The following EPHA4 variants were observed in gnomAD, a reference collection of about 807,000 sequenced individuals.
EPHA4 encodes EPH receptor A4, also known as ephrin type-A receptor 4.
A neutral mutation model predicts 108.3 loss-of-function variants in EPHA4; 19 were observed. The ratio of observed to expected loss-of-function variants is 0.18; its 90% CI spans 0.12 to 0.26. The LOEUF (loss-of-function observed/expected upper bound fraction) is 0.26. Among genes scored for constraint, EPHA4 ranks in the 10% least tolerant of loss-of-function variants. The pLI, the probability that EPHA4 is intolerant of heterozygous loss-of-function variation, is 1.00. For missense variants in EPHA4, 917 were observed against 1,254.0 expected (o/e 0.73, Z 4.06); for synonymous variants, 449 against 455.5 (o/e 0.99, Z 0.18).
chr2:221,559,120 TTC>T (rs1694383272), intron 3 of EPHA4, among the ~76,000 whole-genome samples: 2 of 152,238 alleles, frequency 1.3e-5, no homozygotes, highest in African/African-American at 4.8e-5. Flanking sequence ...TTCTATCTTG[TTC>T]TTTCTTTAAA....
In EPHA4 at chr2:221,456,716, G is replaced by T. The variant is rs1690964787; in HGVS notation, c.1500C>A (p.Ile500=). 1 of 1,613,820 alleles carries T rather than the reference G, an allele frequency of 6.2e-7. No individual in the cohort carries two copies. ...AGGAAGTGAGAGGGTTCAGGCCTTT[G>T]ATATCTGTGTTCCTGGCAGCTGTCC... ...IVRTAARNTD[I]KGLNPLTSYV... Residue 500 remains isoleucine, a synonymous_variant, in exon 7 of 18, where the codon ATC becomes ATA. Transcript: ENST00000281821.
intron 3 of EPHA4, among the ~76,000 whole-genome samples, chr2:221,549,853 T>C (rs1294602855): frequency 3.3e-5 from 5 of 152,108 alleles, no homozygotes; most frequent in Non-Finnish European, 1.5e-5. Context: ...TAGCCAGTCA[T>C]GGTGGCATGT....
chr2:221,444,633 A>T (rs1690530701), intron 9 of EPHA4, among the ~76,000 whole-genome samples: 1 of 152,128 alleles, frequency 6.6e-6, no homozygotes, highest in Non-Finnish European at 1.5e-5. Flanking sequence ...AAACGAGGTG[A>T]ATAAATGGAA....
intron 14 of EPHA4, among the ~76,000 whole-genome samples, chr2:221,432,885 C>T (rs150024594): frequency 3.0e-5 from 4 of 135,578 alleles, no homozygotes; most frequent in South Asian, 4.7e-4. Flanking sequence ...AGTGCAGTGG[C>T]GTGATCTCTG....
intron 3 of EPHA4, among the ~76,000 whole-genome samples, chr2:221,514,387 G>A (rs1409947019): frequency 6.6e-6 from 1 of 152,160 alleles, no homozygotes; most frequent in Non-Finnish European, 1.5e-5. Context: ...GGGCACAAAA[G>A]GTTAGTGTTT....
Position 221,425,903 on chromosome 2 carries a change from GTT to G in EPHA4, c.*123_*124del. The G allele has an allele frequency of 1.0e-5, 7 of 677,836 alleles. No homozygotes were observed. In the South Asian group the frequency reaches 1.2e-4, roughly 12 times the overall value. The allele number at this position is 677,836 out of a possible 1,614,324, so 42.0% of individuals were successfully genotyped here. Reference sequence around the variant, plus strand: ...TGCACCAAGCAACGCTGCAGATATTGTTTTTTTTTTTCATTTCTTTAATTTCA... The same window carrying G: ...TGCACCAAGCAACGCTGCAGATATTGTTTTTTTTTCATTTCTTTAATTTCA... On this transcript the variant is annotated 3_prime_UTR_variant, in exon 17 of 18. Coordinates refer to ENST00000281821, the MANE Select transcript of EPHA4 (RefSeq NM_004438.5).
intron 3 of EPHA4, 143 bp downstream of exon 3, chr2:221,563,588 A>T: frequency 1.1e-6 from 1 of 887,230 alleles, no homozygotes; most frequent in Non-Finnish European, 1.7e-6. Context: ...ACCTGGAGCT[A>T]TAGCACTTAC....
Position 221,430,025 on chromosome 2 carries a change from C to G in EPHA4, c.2623G>C (p.Val875Leu). ...CGGATGAGTTTGTCCAACATGTTGA[C>G]AATCTGCCCAAATTTAGGCCTGTCG... Reference protein sequence around the residue: ...RSDRPKFGQIVNMLDKLIRNP... With the variant: ...RSDRPKFGQILNMLDKLIRNP... Residue 875 changes from valine to leucine, a missense_variant, in exon 15 of 18, where the codon GTC becomes CTC. Around this residue, in one of 3 missense-constraint regions of EPHA4, gnomAD observed 133 missense variants for 132.8 expected, o/e 1.00. Coordinates refer to ENST00000281821, the MANE Select transcript of EPHA4 (RefSeq NM_004438.5). 6.2e-7 allele frequency: 1 copy of G among 1,614,098 alleles called. No individual in the cohort carries two copies. Among genetic ancestry groups the G allele is most frequent in the Non-Finnish European group, 8.5e-7 (1 of 1,180,016 alleles).
intron 8 of EPHA4, among the ~76,000 whole-genome samples, chr2:221,452,601 G>T (rs1378037340): frequency 6.6e-6 from 1 of 152,156 alleles, no homozygotes; most frequent in African/African-American, 2.4e-5. Flanking sequence ...CTTTACGGCC[G>T]ACACTAAAGA....
intron 5 of EPHA4, among the ~76,000 whole-genome samples, chr2:221,480,309 C>T (rs771254143): frequency 4.6e-5 from 7 of 152,092 alleles, no homozygotes; most frequent in Non-Finnish European, 8.8e-5. Flanking sequence ...TCCAAAAGTC[C>T]ATCCCTACTT....
chr2:221,424,888 G>A (rs10184094), intron 17 of EPHA4, among the ~76,000 whole-genome samples: 2 of 152,290 alleles, frequency 1.3e-5, no homozygotes, highest in African/African-American at 4.8e-5. Context: ...TACCATGAAT[G>A]AATGGCACCA....
chr2:221,498,064 C>T (rs1204553233), intron 4 of EPHA4, among the ~76,000 whole-genome samples: 1 of 152,152 alleles, frequency 6.6e-6, no homozygotes, highest in Admixed American at 6.5e-5. Context: ...ATCAAATGTT[C>T]CAGCAACACA....
chr2:221,566,374 A>C (rs1416138963), intron 2 of EPHA4, among the ~76,000 whole-genome samples: 1 of 152,130 alleles, frequency 6.6e-6, no homozygotes, highest in Non-Finnish European at 1.5e-5. Context: ...ATATGCTTTT[A>C]CTCTCAGCTA....
At chr2:221,566,848 G>GAGA (rs200915989) in intron 2 of EPHA4, among the ~76,000 whole-genome samples, 3 of 39,516 alleles carry the variant, frequency 7.6e-5, no homozygotes, top group Admixed American at 3.2e-4. Context: ...GAAGGAGAAG[G>GAGA]AGAAGGAGAA....
intron 4 of EPHA4, among the ~76,000 whole-genome samples, chr2:221,484,175 A>G (rs1309757558): frequency 6.6e-6 from 1 of 152,238 alleles, no homozygotes; most frequent in Non-Finnish European, 1.5e-5. Context: ...GTCTACCACA[A>G]TGAAACATAC....
chr2:221,506,957 C>T (rs1692649589), intron 3 of EPHA4, among the ~76,000 whole-genome samples: 1 of 152,114 alleles, frequency 6.6e-6, no homozygotes, highest in Non-Finnish European at 1.5e-5. Context: ...GGAGAGAGAA[C>T]ATTTCACTTA....
intron 13 of EPHA4, 72 bp from the exon 14 acceptor site, chr2:221,434,363 T>C: frequency 6.5e-7 from 1 of 1,529,898 alleles, no homozygotes. Flanking sequence ...CTGAATGTAG[T>C]TCCTGCTAGC....
intron 8 of EPHA4, among the ~76,000 whole-genome samples, chr2:221,453,664 A>G (rs2106115208): frequency 6.6e-6 from 1 of 152,372 alleles, no homozygotes; most frequent in South Asian, 2.1e-4. Context: ...TATTAAAGAA[A>G]CAGAAATGAG....
intron 3 of EPHA4, among the ~76,000 whole-genome samples, chr2:221,509,742 T>C (rs887880722): frequency 3.9e-5 from 6 of 152,166 alleles, no homozygotes; most frequent in Non-Finnish European, 8.8e-5. Context: ...AAGTAAAGAA[T>C]GACAAAAGCA....
Sources: allele counts gnomAD v4.1 joint callset (sites outside exome capture counted in the v4.1 genomes callset), GRCh38; gene constraint gnomAD v4.1.1; regional missense constraint gnomAD v4.1.1; transcripts MANE v1.5; gene names NCBI Gene and HGNC (gene_info 2026-07-23, HGNC 2026-07-21).